UNC93A: variants seen among roughly 807,000 people sequenced by gnomAD.
The protein encoded by UNC93A is unc-93 homolog A, also known as N-acetylglucosamine transporter UNC93A.
In UNC93A, 43 loss-of-function variants were observed where a neutral mutation model predicts 47.5. The observed-to-expected ratio is 0.91, with a 90% CI of 0.71 to 1.17. The LOEUF is 1.17. Ranked by LOEUF, UNC93A falls within the 50% of genes most tolerant of loss-of-function variation. The probability of loss-of-function intolerance (pLI) is 0.00; values close to 1 mark genes in which losing one functional copy is unlikely to be tolerated. For synonymous variants in UNC93A, 280 were observed against 258.0 expected, an observed-to-expected ratio of 1.09 and a Z score of -0.82; for missense variants, 605 against 577.6, an observed-to-expected ratio of 1.05 and a Z score of -0.49.
At chr6:167,285,581 G>A (rs568181593) in intron 1 of UNC93A, among the ~76,000 whole-genome samples, 12 of 151,804 alleles carry the variant, frequency 7.9e-5, no homozygotes, top group South Asian at 4.2e-4. Flanking sequence ...GGCTGGAGTC[G>A]TGGAAGCGGC....
chr6:167,296,141 G>C lies in UNC93A; in HGVS notation c.379G>C (p.Gly127Arg). The change falls in exon 3 of 8, where the codon GGA becomes CGA. Residue 127 changes from glycine (G) to arginine (R), a missense_variant. Gly to Arg is a moderately radical substitution (Grantham distance 125, BLOSUM62 -2). Transcript: ENST00000230256. ...ITGNTHAEKA[G>R]KRGKDMVNQY... is the part of the protein sequence containing the mutation. ...GGGAAACACACATGCAGAGAAGGCG[G>C]GAAAGCGTGGCAAAGACATGGTGAA... 1 of 1,614,212 alleles carries C rather than the reference G, an allele frequency of 6.2e-7. No individual in the cohort carries two copies. The highest frequency in any genetic ancestry group is 8.5e-7 in the Non-Finnish European group (1 of 1,180,052).
At chr6:167,269,964 T>A (rs1783424447), upstream of UNC93A, among the ~76,000 whole-genome samples, 1 of 150,944 alleles carries the variant, frequency 6.6e-6, no homozygotes, top group Non-Finnish European at 1.5e-5. Flanking sequence ...TGCATTTGTG[T>A]TTTGTCCTGG....
chr6:167,288,874 C>G (rs1365794896), upstream of UNC93A, among the ~76,000 whole-genome samples: 1 of 152,238 alleles, frequency 6.6e-6, no homozygotes, highest in Non-Finnish European at 1.5e-5. Context: ...CCGGAACACG[C>G]GTGCTCTGAG....
In UNC93A at chr6:167,295,686, C is replaced by T. The variant is rs373604764; in HGVS notation, c.270-346C>T. Reference sequence around the variant, plus strand: ...TGATCCTCGCCTGCCTCGTGCTCCTCGCCTGCCTCGTGCTCCTCGCCTCCC... The same window carrying T: ...TGATCCTCGCCTGCCTCGTGCTCCTTGCCTGCCTCGTGCTCCTCGCCTCCC... On this transcript the variant is annotated intron_variant, in intron 2 of 7. Transcript: ENST00000230256. 9.6e-5 allele frequency among the ~76,000 whole-genome samples: 12 copies of T among 125,602 alleles called. 1 individual carries two copies. Among genetic ancestry groups the T allele is most frequent in the East Asian group, 6.1e-4 (2 of 3,254 alleles). 82.4% of individuals were successfully genotyped at this position (125,602 alleles called of 152,430 possible).
chr6:167,301,249 C>A (rs13214972), intron 4 of UNC93A, among the ~76,000 whole-genome samples: 26,143 of 152,236 alleles, frequency 0.17, 2,508 homozygotes, highest in South Asian at 0.23. Context: ...TCTCTGGCCA[C>A]AGCCCCATCT....
chr6:167,274,352 C>T (rs1006018025), intron 1 of UNC93A, among the ~76,000 whole-genome samples: 4 of 152,182 alleles, frequency 2.6e-5, no homozygotes, highest in Non-Finnish European at 4.4e-5. Flanking sequence ...TGGAAAAATC[C>T]TACGTATTCC....
At chr6:167,303,467 C>A (rs1280682085) in intron 4 of UNC93A, among the ~76,000 whole-genome samples, 2 of 151,868 alleles carry the variant, frequency 1.3e-5, no homozygotes, top group Non-Finnish European at 2.9e-5. Context: ...AGGACTTTTG[C>A]ACAAAATTGT....
intron 1 of UNC93A, among the ~76,000 whole-genome samples, chr6:167,283,297 T>C (rs1446280926): frequency 6.6e-6 from 1 of 152,228 alleles, no homozygotes; most frequent in African/African-American, 2.4e-5. Flanking sequence ...TGGTGTCTTA[T>C]TTCTACAAAG....
rs879039451 is a variant in UNC93A at position 167,315,985 on chromosome 6, G to A, written c.*533G>A. The A allele has an allele frequency of 2.0e-5, 3 of 153,436 alleles. No homozygotes were observed. Among genetic ancestry groups the A allele is most frequent in the East Asian group, 2.0e-4 (1 of 4,972 alleles). 9.5% of individuals were successfully genotyped at this position (153,436 alleles called of 1,614,324 possible). On this transcript the variant is annotated 3_prime_UTR_variant, in exon 8 of 8. Coordinates refer to ENST00000230256, the MANE Select transcript of UNC93A (RefSeq NM_018974.4). The stretch of plus-strand genomic sequence containing the variant: ...GATTCCTGAAACGTGTGGGGTCTGC[G>A]TTTCTAAATAAAGACGGTTATTTAA...
intron 1 of UNC93A, among the ~76,000 whole-genome samples, chr6:167,283,759 C>A (rs543110477): frequency 6.6e-6 from 1 of 152,296 alleles, no homozygotes; most frequent in African/African-American, 2.4e-5. Context: ...GACCCTTCAT[C>A]ATGTTCAGAG....
upstream of UNC93A, among the ~76,000 whole-genome samples, chr6:167,286,575 T>C (rs776591311): frequency 6.6e-6 from 1 of 152,230 alleles, no homozygotes; most frequent in Non-Finnish European, 1.5e-5. Context: ...TGTTTGTGGT[T>C]GTGAGAGCAA....
rs141785995 is a variant in UNC93A at position 167,274,963 on chromosome 6, T to C, written c.-52+3505T>C. 1.3e-3 allele frequency among the ~76,000 whole-genome samples: 192 copies of C among 152,294 alleles called. No homozygotes were observed. The Middle Eastern group carries it at 0.024, about 19-fold the overall frequency. ...ACAGGGAGAAAAAATAAGTCCTTCA[T>C]ACATCAACTGGTGTTACCAGACGTG... On this transcript the variant is annotated intron_variant, in intron 1 of 3. Transcript: ENST00000503433.
chr6:167,315,438 C>T lies in UNC93A; in HGVS notation c.1360C>T (p.Gln454Ter). 6.2e-7 allele frequency: 1 copy of T among 1,613,920 alleles called. No individual in the cohort carries two copies. The highest frequency in any genetic ancestry group is 1.3e-5 in the African/African-American group (1 of 74,998). Residue 454 changes from glutamine to a stop codon, truncating the protein, a stop_gained, in exon 8 of 8, where the codon CAA becomes TAA. Transcript: ENST00000230256. LOFTEE classifies it high-confidence loss of function. ...CAACCAGGCAGAGGATGAAGAAATA[C>T]AAACAAAAATGTGAGAGCAGTGAGG... ...QVNQAEDEEI[Q>*]TKM
upstream of UNC93A, among the ~76,000 whole-genome samples, chr6:167,289,402 TA>T (rs112633552): frequency 1.5e-4 from 23 of 152,120 alleles, no homozygotes; most frequent in Non-Finnish European, 2.2e-4. Context: ...ACTGTTCATT[TA>T]AAAAAAATCC....
intron 7 of UNC93A, among the ~76,000 whole-genome samples, chr6:167,314,908 C>A (rs1778649983): frequency 6.6e-6 from 1 of 152,132 alleles, no homozygotes; most frequent in African/African-American, 2.4e-5. Flanking sequence ...ACAGTGTGTT[C>A]TGACCACCTT....
rs566944106 is a variant in UNC93A at position 167,299,477 on chromosome 6, C to T, written c.625+1407C>T. Among the ~76,000 whole-genome samples, 7 of 152,266 alleles carry T rather than the reference C, an allele frequency of 4.6e-5. No individual in the cohort carries two copies. The East Asian group carries it at 5.8e-4, about 13-fold the overall frequency. On this transcript the variant is annotated intron_variant, in intron 4 of 7. Transcript: ENST00000230256. ...CACTTGTAAAGCTATCGCTGGAAGTCGACAAAGTGTACTGAGCACGTGCTA... is the reference window on the plus strand; with the variant it reads ...CACTTGTAAAGCTATCGCTGGAAGTTGACAAAGTGTACTGAGCACGTGCTA...
At chr6:167,299,510 C>T (rs2346125) in intron 4 of UNC93A, among the ~76,000 whole-genome samples, 33,359 of 152,108 alleles carry the variant, frequency 0.22, 3,908 homozygotes, top group African/African-American at 0.3. Context: ...CTAGGCCATG[C>T]TAGGCCTTCT....
chr6:167,293,165 T>A (rs1188235709), intron 1 of UNC93A, among the ~76,000 whole-genome samples: 1 of 152,150 alleles, frequency 6.6e-6, no homozygotes, highest in Non-Finnish European at 1.5e-5. Context: ...TCACTCATGG[T>A]GGCATCTGGA....
At chr6:167,307,676 G>C in intron 6 of UNC93A, 103 bp from the exon 7 acceptor site, 1 of 1,441,508 alleles carries the variant, frequency 6.9e-7, no homozygotes, top group Non-Finnish European at 9.5e-7. Context: ...GACAGTTCCA[G>C]AGGACGGTTG....
Sources: gnomAD v4.1 joint callset for allele counts (sites outside exome capture counted in the v4.1 genomes callset) on GRCh38, gnomAD v4.1.1 for gene constraint, MANE v1.5 for transcripts, NCBI Gene and HGNC (gene_info 2026-07-23, HGNC 2026-07-21) for gene names.